Variants in RARS2 observed in about 807,000 individuals in gnomAD.
RARS2 encodes the protein probable arginine--tRNA ligase, mitochondrial.
RARS2 carries 67 observed loss-of-function variants against 88.5 expected under a neutral mutation model. The observed-to-expected ratio is 0.76, with a 90% CI of 0.62 to 0.93. RARS2 has a LOEUF of 0.93. Among genes scored for constraint, RARS2 ranks in the 40% least tolerant of loss-of-function variants. The pLI, the probability that RARS2 is intolerant of heterozygous loss-of-function variation, is 0.00. For synonymous variants in RARS2, 239 were observed against 230.3 expected (o/e 1.04, Z -0.34); for missense variants, 664 against 684.2 (o/e 0.97, Z 0.33).
chr6:87,588,987 C>A (rs921825697), intron 1 of RARS2, among the ~76,000 whole-genome samples: 2 of 152,184 alleles, frequency 1.3e-5, no homozygotes, highest in African/African-American at 4.8e-5. Flanking sequence ...CGAATTATCA[C>A]CGGACAGGGC....
chr6:87,516,268 T>C (rs2127992107), intron 18 of RARS2, among the ~76,000 whole-genome samples: 1 of 152,346 alleles, frequency 6.6e-6, no homozygotes, highest in Middle Eastern at 3.4e-3. Context: ...TTCTAGCTTA[T>C]TTTTCTGTGC....
chr6:87,546,150 T>C (rs28644488), intron 6 of RARS2, among the ~76,000 whole-genome samples: 1 of 152,216 alleles, frequency 6.6e-6, no homozygotes, highest in Non-Finnish European at 1.5e-5. Context: ...ACCCTCTGCA[T>C]GCCTGCTCCC....
Position 87,562,700 on chromosome 6 carries a change from AC to A in RARS2, c.297+1del, listed in dbSNP as rs2128169501. 3.1e-6 allele frequency: 5 copies of A among 1,596,076 alleles called. No homozygotes were observed. Among genetic ancestry groups the A allele is most frequent in the Non-Finnish European group, 4.3e-6 (5 of 1,163,712 alleles). ...AATGGCTGGATATTAACTTATTCTTACCTTTGTTAAGAGCTCTCTGTTTATT... is the reference window on the plus strand; with the variant it reads ...AATGGCTGGATATTAACTTATTCTTACTTTGTTAAGAGCTCTCTGTTTATT... On this transcript the variant is annotated splice_donor_variant, in intron 4 of 19. Transcript: ENST00000369536. LOFTEE classifies it high-confidence loss of function.
Position 87,518,232 on chromosome 6 carries a change from T to A in RARS2, c.1448A>T (p.Asn483Ile). 1 of 1,614,168 alleles carries A rather than the reference T, an allele frequency of 6.2e-7. No individual in the cohort carries two copies. The highest frequency in any genetic ancestry group is 8.5e-7 in the Non-Finnish European group (1 of 1,180,030). The change falls in exon 17 of 20, where the codon AAT becomes ATT. Residue 483 changes from asparagine (N) to isoleucine (I), a missense_variant. Transcript: ENST00000369536. ...LEETFGCGYL[N>I]DFNTACLQEP... Reference sequence around the variant, plus strand: ...TTGTAAACAAGCAGTGTTGAAGTCATTCAGGTACCCACATCCAAAAGTCTC... The same window carrying A: ...TTGTAAACAAGCAGTGTTGAAGTCAATCAGGTACCCACATCCAAAAGTCTC...
Position 87,519,571 on chromosome 6 carries a change from A to G in RARS2, c.1237+12T>C. 1 of 1,609,544 alleles carries G rather than the reference A, an allele frequency of 6.2e-7. No homozygotes were observed. The highest frequency in any genetic ancestry group is 8.5e-7 in the Non-Finnish European group (1 of 1,175,978). On this transcript the variant is annotated intron_variant, in intron 14 of 19. Transcript: ENST00000369536. Reference sequence around the variant, plus strand: ...GTAAGTTATGACTTTAATAAGAAAAAACTGAATTCACTCTTAATTGAAGCC... The same window carrying G: ...GTAAGTTATGACTTTAATAAGAAAAGACTGAATTCACTCTTAATTGAAGCC...
chr6:87,527,305 C>G (rs1397720690), intron 10 of RARS2, among the ~76,000 whole-genome samples: 3 of 151,760 alleles, frequency 2.0e-5, no homozygotes, highest in Non-Finnish European at 4.4e-5. Flanking sequence ...GAGACCCCGT[C>G]TCAAAAAAAT....
rs181780891 is a variant in RARS2 at position 87,578,484 on chromosome 6, T to C, written c.37-8894A>G. Among the ~76,000 whole-genome samples, 583 of 151,304 alleles carry C rather than the reference T, an allele frequency of 3.9e-3. 10 individuals are homozygous for C. The highest frequency in any genetic ancestry group is 0.013 in the East Asian group (65 of 5,120). On this transcript the variant is annotated intron_variant, in intron 1 of 19. Transcript: ENST00000369536. ...CATTATTTTGCAAAAATGAGAACTT[T>C]TCGCTTACCAAACCACAACTTTATA...
chr6:87,518,301 TAA>T (rs1291606150), intron 16 of RARS2, 37 bp from the exon 17 acceptor site: 5 of 1,613,676 alleles, frequency 3.1e-6, no homozygotes, highest in Non-Finnish European at 3.4e-6. Flanking sequence ...ATCAAAAGAT[TAA>T]AAAGTCATAC....
At position 87,544,975 on chromosome 6, in the gene RARS2, C is replaced by T. The variant is rs184924492; in HGVS notation, c.535+641G>A. ...GTCCTTAGATTGAAAAATGGCAGGG[C>T]TGTGGTTGAGAAAGGTGTACACAGT... On this transcript the variant is annotated intron_variant, in intron 7 of 19. Coordinates refer to ENST00000369536, the MANE Select transcript of RARS2 (RefSeq NM_020320.5). Among the ~76,000 whole-genome samples, 3 of 152,288 alleles carry T rather than the reference C, an allele frequency of 2.0e-5. No individual in the cohort carries two copies. In the East Asian group the frequency reaches 5.8e-4, roughly 29 times the overall value.
At chr6:87,524,150 C>T (rs1357531389) in intron 11 of RARS2, among the ~76,000 whole-genome samples, 1 of 152,140 alleles carries the variant, frequency 6.6e-6, no homozygotes, top group African/African-American at 2.4e-5. Context: ...AGCTTTGTCC[C>T]AGAAATAAAG....
In RARS2 at chr6:87,513,988, A is replaced by G. The variant is rs1770702720; in HGVS notation, c.*425T>C. ...TAAAGACTGAATAACTTGACAAGTC[A>G]CATTTAATACAGATTCTGACACAGA... is the stretch of plus-strand genomic sequence containing the variant. On this transcript the variant is annotated 3_prime_UTR_variant, in exon 20 of 20. Coordinates refer to ENST00000369536, the MANE Select transcript of RARS2 (RefSeq NM_020320.5). 6.6e-6 allele frequency among the ~76,000 whole-genome samples: 1 copy of G among 152,332 alleles called. No individual in the cohort carries two copies. Among genetic ancestry groups the G allele is most frequent in the East Asian group, 1.9e-4 (1 of 5,188 alleles).
At chr6:87,529,086 C>T (rs1188095496) in intron 10 of RARS2, among the ~76,000 whole-genome samples, 1 of 152,110 alleles carries the variant, frequency 6.6e-6, no homozygotes, top group African/African-American at 2.4e-5. Context: ...TCTCTGACTT[C>T]ATATTACTTT....
chr6:87,551,626 CAAAAAAAAA>C (rs71018036), intron 5 of RARS2, among the ~76,000 whole-genome samples: 9 of 65,152 alleles, frequency 1.4e-4, no homozygotes, highest in African/African-American at 1.9e-4. Context: ...TCCGTCTCAA[CAAAAAAAAA>C]AAAAAAAAAA....
At chr6:87,577,917 CAAT>C (rs1772088547) in intron 1 of RARS2, among the ~76,000 whole-genome samples, 2 of 152,138 alleles carry the variant, frequency 1.3e-5, no homozygotes, top group African/African-American at 4.8e-5. Context: ...GGAAATACAT[CAAT>C]AATTTTTTGA....
chr6:87,587,125 T>A (rs940564790), intron 1 of RARS2, among the ~76,000 whole-genome samples: 1 of 152,158 alleles, frequency 6.6e-6, no homozygotes, highest in Non-Finnish European at 1.5e-5. Flanking sequence ...GCTCAAGTGA[T>A]CTGCCTGTCT....
chr6:87,522,142 C>T (rs1774080624), intron 11 of RARS2, among the ~76,000 whole-genome samples: 1 of 151,962 alleles, frequency 6.6e-6, no homozygotes, highest in Non-Finnish European at 1.5e-5. Context: ...CCAGCCTGAC[C>T]AACATGGTGA....
intron 5 of RARS2, among the ~76,000 whole-genome samples, chr6:87,549,988 T>C (rs566011893): frequency 6.6e-6 from 1 of 152,324 alleles, no homozygotes; most frequent in South Asian, 2.1e-4. Flanking sequence ...TGGTTAAAAG[T>C]GGTAAAACTA....
chr6:87,519,512 C>G (rs1773134116), intron 14 of RARS2, 71 bp downstream of exon 14: 3 of 1,504,858 alleles, frequency 2.0e-6, no homozygotes, highest in South Asian at 2.3e-5. Flanking sequence ...ATAAATCACA[C>G]TGCCCAAAGT....
In RARS2 at chr6:87,541,969, C is replaced by G. The variant is rs2128106921; in HGVS notation, c.561G>C (p.Leu187=). 6.2e-7 allele frequency: 1 copy of G among 1,613,528 alleles called. No homozygotes were observed. The highest frequency in any genetic ancestry group is 8.5e-7 in the Non-Finnish European group (1 of 1,179,590). The change falls in exon 8 of 20, where the codon CTG becomes CTC. Residue 187 remains leucine, a synonymous_variant. Transcript: ENST00000369536. ...QFGLLGTGFQ[L]FGYEEKLQSN... The stretch of plus-strand genomic sequence containing the variant: ...ACTGCAGTTTTTCCTCATAGCCAAA[C>G]AGCTGGAAGCCAGTTCCCAGAAGAC...
Sources: gnomAD v4.1 joint callset for allele counts (sites outside exome capture counted in the v4.1 genomes callset) on GRCh38, gnomAD v4.1.1 for gene constraint, MANE v1.5 for transcripts, NCBI Gene and HGNC (gene_info 2026-07-23, HGNC 2026-07-21) for gene names.